Variants in ADAMTS17 observed in about 807,000 individuals in gnomAD.
The protein encoded by ADAMTS17 is ADAM metallopeptidase with thrombospondin type 1 motif 17.
A neutral mutation model predicts 141.5 loss-of-function variants in ADAMTS17; 113 were observed. That is an observed-to-expected ratio of 0.80 (90% confidence interval 0.69 to 0.93). The LOEUF (loss-of-function observed/expected upper bound fraction) is 0.93, where lower values mean the gene tolerates loss of function less well. ADAMTS17 is among the 40% of genes least tolerant of loss of function. The pLI is 0.00. For synonymous variants in ADAMTS17, 768 were observed against 630.6 expected (o/e 1.22, Z -3.27); for missense variants, 1,659 against 1,517.9 (o/e 1.09, Z -1.54).
chr15:100,224,120 T>C (rs1313860081), intron 7 of ADAMTS17, among the ~76,000 whole-genome samples: 3 of 152,064 alleles, frequency 2.0e-5, no homozygotes, highest in Non-Finnish European at 4.4e-5. Context: ...CTGACCCAAA[T>C]GTTAATCTCT....
intron 4 of ADAMTS17, among the ~76,000 whole-genome samples, chr15:100,277,465 G>T (rs1018852743): frequency 1.3e-5 from 2 of 152,150 alleles, no homozygotes; most frequent in Non-Finnish European, 2.9e-5. Context: ...TCGAAGCTCT[G>T]CCTTATTACT....
chr15:100,270,705 G>T (rs748015630), intron 4 of ADAMTS17, among the ~76,000 whole-genome samples: 9 of 150,438 alleles, frequency 6.0e-5, no homozygotes, highest in African/African-American at 9.8e-5. Flanking sequence ...TATGGATACT[G>T]CAAAGGCAGG....
At chr15:100,106,235 A>C (rs1425246866) in intron 14 of ADAMTS17, among the ~76,000 whole-genome samples, 1 of 152,052 alleles carries the variant, frequency 6.6e-6, no homozygotes, top group Non-Finnish European at 1.5e-5. Flanking sequence ...CTTCACCAGA[A>C]CCCATCTATG....
intron 7 of ADAMTS17, among the ~76,000 whole-genome samples, chr15:100,239,096 G>GA (rs2042748643): frequency 6.6e-6 from 1 of 152,188 alleles, no homozygotes; most frequent in African/African-American, 2.4e-5. Flanking sequence ...TCTCAAAAAA[G>GA]AAAACGAAAT....
chr15:100,323,871 C>G (rs901638461), intron 3 of ADAMTS17, among the ~76,000 whole-genome samples: 1 of 152,020 alleles, frequency 6.6e-6, no homozygotes, highest in South Asian at 2.1e-4. Context: ...GACTATATAT[C>G]ATAATCGCTA....
intron 15 of ADAMTS17, among the ~76,000 whole-genome samples, chr15:100,079,619 G>C (rs1461068724): frequency 6.6e-6 from 1 of 152,194 alleles, no homozygotes; most frequent in Non-Finnish European, 1.5e-5. Flanking sequence ...ATTCCTTGGG[G>C]TGATCAGCCA....
At chr15:100,172,336 T>C (rs1375861696) in intron 8 of ADAMTS17, among the ~76,000 whole-genome samples, 1 of 152,236 alleles carries the variant, frequency 6.6e-6, no homozygotes, top group Non-Finnish European at 1.5e-5. Flanking sequence ...ATGCAGTGAA[T>C]TCTAAATTTT....
chr15:100,046,942 G>C (rs552412305), intron 18 of ADAMTS17, among the ~76,000 whole-genome samples: 1 of 152,264 alleles, frequency 6.6e-6, no homozygotes, highest in African/African-American at 2.4e-5. Context: ...TCTGACTGCC[G>C]GTGAGCCAGG....
intron 7 of ADAMTS17, among the ~76,000 whole-genome samples, chr15:100,237,468 C>A (rs2042694094): frequency 6.6e-6 from 1 of 152,146 alleles, no homozygotes; most frequent in Non-Finnish European, 1.5e-5. Flanking sequence ...GGTGGCTGGG[C>A]ATGATGTCCT....
intron 10 of ADAMTS17, among the ~76,000 whole-genome samples, chr15:100,150,427 G>C (rs1378930749): frequency 6.6e-6 from 1 of 152,096 alleles, no homozygotes; most frequent in Non-Finnish European, 1.5e-5. Context: ...AGCCTGGCTT[G>C]TTTTCTAATC....
At chr15:100,204,341 C>T (rs1050340497) in intron 7 of ADAMTS17, among the ~76,000 whole-genome samples, 1 of 152,226 alleles carries the variant, frequency 6.6e-6, no homozygotes, top group African/African-American at 2.4e-5. Flanking sequence ...CCACCAACTG[C>T]TCAACTACCA....
At chr15:100,156,838 C>T (rs2039459414) in intron 8 of ADAMTS17, among the ~76,000 whole-genome samples, 1 of 152,190 alleles carries the variant, frequency 6.6e-6, no homozygotes, top group South Asian at 2.1e-4. Flanking sequence ...CACACACATG[C>T]ACATATAAAA....
chr15:100,113,146 G>A (rs2036898900), intron 13 of ADAMTS17, among the ~76,000 whole-genome samples: 1 of 152,186 alleles, frequency 6.6e-6, no homozygotes, highest in African/African-American at 2.4e-5. Flanking sequence ...TTTACCAGCA[G>A]TGAGCACCTG....
chr15:100,149,283 G>T (rs376921847), intron 10 of ADAMTS17, among the ~76,000 whole-genome samples: 122 of 152,362 alleles, frequency 8.0e-4, no homozygotes, highest in African/African-American at 2.7e-3. Context: ...GGTTCACAGG[G>T]AAGCATCTGG....
intron 3 of ADAMTS17, among the ~76,000 whole-genome samples, chr15:100,286,849 T>C (rs1376789082): frequency 1.3e-5 from 2 of 151,976 alleles, no homozygotes; most frequent in African/African-American, 4.8e-5. Context: ...TAAAGATCAC[T>C]GAGATTCAGG....
rs1254200426 is a variant in ADAMTS17, at chr15:99,971,896, A to G, written c.*2506T>C. On this transcript the variant is annotated 3_prime_UTR_variant, in exon 22 of 22. Coordinates refer to ENST00000268070, the MANE Select transcript of ADAMTS17 (RefSeq NM_139057.4). Reference sequence around the variant, plus strand: ...AGCATCTAGTGGAACAAGAATGTTTATGATGGTTTCACTGAAATCACTGCT... The same window carrying G: ...AGCATCTAGTGGAACAAGAATGTTTGTGATGGTTTCACTGAAATCACTGCT... The G allele has an allele frequency of 6.6e-6, 1 of 152,242 alleles. No individual in the cohort carries two copies. The highest frequency in any genetic ancestry group is 1.5e-5 in the Non-Finnish European group (1 of 68,064). The allele number at this position is 152,242 out of a possible 1,614,324, so 9.4% of individuals were successfully genotyped here.
At chr15:100,062,347 G>GC (rs2033188154) in intron 15 of ADAMTS17, among the ~76,000 whole-genome samples, 1 of 152,196 alleles carries the variant, frequency 6.6e-6, no homozygotes, top group South Asian at 2.1e-4. Flanking sequence ...GGGACAGGGG[G>GC]GGATCCACAG....
At chr15:100,095,519 T>C (rs990576086) in intron 15 of ADAMTS17, among the ~76,000 whole-genome samples, 1 of 152,196 alleles carries the variant, frequency 6.6e-6, no homozygotes, top group Non-Finnish European at 1.5e-5. Context: ...GAAGCTTCTA[T>C]GCAGAGCAAC....
chr15:100,280,922 C>T (rs1460223674), intron 4 of ADAMTS17, among the ~76,000 whole-genome samples: 3 of 152,174 alleles, frequency 2.0e-5, no homozygotes, highest in South Asian at 4.1e-4. Flanking sequence ...ATTCACAGGA[C>T]TTTGCCGCTT....
Sources: gnomAD v4.1 joint callset for allele counts (sites outside exome capture counted in the v4.1 genomes callset) on GRCh38, gnomAD v4.1.1 for gene constraint, MANE v1.5 for transcripts, NCBI Gene and HGNC (gene_info 2026-07-23, HGNC 2026-07-21) for gene names.